Variants in ASTN2 observed in about 807,000 individuals in gnomAD.
ASTN2 encodes astrotactin 2.
ASTN2 carries 54 observed loss-of-function variants against 139.8 expected under a neutral mutation model. That is an observed-to-expected ratio of 0.39 (90% CI 0.31 to 0.48). ASTN2 has a LOEUF of 0.48. Among genes scored for constraint, ASTN2 ranks in the 20% least tolerant of loss-of-function variants. The probability of loss-of-function intolerance (pLI) is 0.95; values close to 1 mark genes in which losing one functional copy is unlikely to be tolerated. For synonymous variants in ASTN2, 756 were observed against 719.5 expected (o/e 1.05, Z -0.81); for missense variants, 1,565 against 1,725.1 (o/e 0.91, Z 1.64).
chr9:116,711,117 G>T (rs1255395381), intron 16 of ASTN2, among the ~76,000 whole-genome samples: 2 of 152,192 alleles, frequency 1.3e-5, no homozygotes, highest in Non-Finnish European at 2.9e-5. Flanking sequence ...TGCATAGAAG[G>T]CTAATTAGCT....
intron 19 of ASTN2, among the ~76,000 whole-genome samples, chr9:116,523,900 AG>A (rs1850982145): frequency 6.6e-6 from 1 of 152,208 alleles, no homozygotes; most frequent in Admixed American, 6.5e-5. Context: ...AAAGGAACAG[AG>A]CTGAGTTCCA....
intron 13 of ASTN2, among the ~76,000 whole-genome samples, chr9:116,793,600 T>A (rs1830612003): frequency 6.6e-6 from 1 of 152,238 alleles, no homozygotes. Flanking sequence ...TTGTTTAAAA[T>A]TCTGGTGAAT....
chr9:117,016,402 T>C (rs1006461050), intron 6 of ASTN2, among the ~76,000 whole-genome samples: 1 of 151,630 alleles, frequency 6.6e-6, no homozygotes, highest in African/African-American at 2.4e-5. Context: ...GCCAGTATCT[T>C]CCACTGACAA....
intron 19 of ASTN2, among the ~76,000 whole-genome samples, chr9:116,531,912 C>T (rs1283495503): frequency 2.6e-5 from 4 of 152,126 alleles, no homozygotes; most frequent in Non-Finnish European, 4.4e-5. Context: ...AATGGTATTT[C>T]TAGTTCTAGA....
At chr9:116,795,895 G>A (rs969012769) in intron 13 of ASTN2, among the ~76,000 whole-genome samples, 1 of 152,198 alleles carries the variant, frequency 6.6e-6, no homozygotes, top group African/African-American at 2.4e-5. Context: ...AAGATCTTGA[G>A]ATTACTGAAG....
chr9:117,262,396 T>TA (rs879828979), intron 2 of ASTN2, among the ~76,000 whole-genome samples: 3,947 of 98,410 alleles, frequency 0.04, 68 homozygotes, highest in South Asian at 0.069. Context: ...TCTGTTTCTT[T>TA]TTTTATTTAT....
chr9:117,243,560 T>C (rs1348312633), intron 2 of ASTN2, among the ~76,000 whole-genome samples: 1 of 152,230 alleles, frequency 6.6e-6, no homozygotes, highest in East Asian at 1.9e-4. Context: ...AAGTGTTTTA[T>C]TGGAATTCAC....
intron 1 of ASTN2, among the ~76,000 whole-genome samples, chr9:117,351,296 C>G (rs1224917948): frequency 6.6e-6 from 1 of 152,180 alleles, no homozygotes; most frequent in East Asian, 1.9e-4. Context: ...GCATGGCGCT[C>G]AAGGTCTATT....
intron 16 of ASTN2, among the ~76,000 whole-genome samples, chr9:116,692,325 C>T (rs955305596): frequency 3.9e-5 from 6 of 152,264 alleles, no homozygotes; most frequent in Non-Finnish European, 5.9e-5. Context: ...GCCTTGGGTA[C>T]AGTCTGCTGA....
chr9:117,229,259 C>T lies in ASTN2; in HGVS notation c.631-14517G>A, dbSNP rs533527035. Among the ~76,000 whole-genome samples the T allele has an allele frequency of 3.3e-5, 5 of 152,234 alleles. No homozygotes were observed. In the South Asian group the frequency reaches 1.0e-3, roughly 32 times the overall value. ...TGTAACACTGATAACGCTCCCCGCC[C>T]CCAAGCCCTACCATGAGTGCTGAAC... On this transcript the variant is annotated intron_variant, in intron 2 of 22. Transcript: ENST00000313400.
intron 20 of ASTN2, among the ~76,000 whole-genome samples, chr9:116,475,550 C>T (rs1351738640): frequency 1.3e-5 from 2 of 152,250 alleles, no homozygotes; most frequent in Non-Finnish European, 2.9e-5. Flanking sequence ...GTGAACACAT[C>T]TGTGCCCTGT....
chr9:116,627,375 G>C (rs1361789483), intron 17 of ASTN2, among the ~76,000 whole-genome samples: 1 of 152,136 alleles, frequency 6.6e-6, no homozygotes, highest in Non-Finnish European at 1.5e-5. Context: ...AGATCCAGAA[G>C]GGTCCTGAGA....
chr9:116,850,901 A>G (rs1452718552), intron 11 of ASTN2, among the ~76,000 whole-genome samples: 1 of 152,218 alleles, frequency 6.6e-6, no homozygotes, highest in African/African-American at 2.4e-5. Context: ...CATTGTGCAG[A>G]AAGGAAGGAT....
chr9:116,681,649 A>C (rs1033998837), intron 16 of ASTN2, among the ~76,000 whole-genome samples: 1 of 152,136 alleles, frequency 6.6e-6, no homozygotes, highest in Non-Finnish European at 1.5e-5. Flanking sequence ...AGTAACCAAA[A>C]CAGCATGGTA....
intron 10 of ASTN2, among the ~76,000 whole-genome samples, chr9:116,897,968 G>A (rs1833918070): frequency 6.6e-6 from 1 of 152,146 alleles, no homozygotes. Context: ...AAATGTGGAT[G>A]GGGTAGTCAG....
chr9:117,206,578 A>G (rs1355684148), intron 3 of ASTN2, among the ~76,000 whole-genome samples: 2 of 152,164 alleles, frequency 1.3e-5, no homozygotes, highest in East Asian at 3.9e-4. Flanking sequence ...CTCTCCAGCA[A>G]TGGGGCTCCA....
chr9:116,984,369 C>T (rs528608644), intron 7 of ASTN2, among the ~76,000 whole-genome samples: 18 of 152,344 alleles, frequency 1.2e-4, no homozygotes, highest in African/African-American at 4.3e-4. Flanking sequence ...GGGTAGAAGT[C>T]ACATATCCCA....
Position 116,440,764 on chromosome 9 carries a change from G to A in ASTN2, c.3627C>T (p.Tyr1209=). 6.2e-7 allele frequency: 1 copy of A among 1,614,090 alleles called. No individual in the cohort carries two copies. The highest frequency in any genetic ancestry group is 1.1e-5 in the South Asian group (1 of 91,052). ...GCTCCTTTCCACTTGTGTACCCATT[G>A]TACAGATTGTAGATCTTGTCAGCTA... The part of the protein sequence containing the change: ...EEIADKIYNL[Y]NGYTSGKEQQ... Residue 1209 remains tyrosine (Y), a synonymous_variant, in exon 22 of 23, where the codon TAC becomes TAT. Transcript: ENST00000313400.
chr9:117,045,144 G>T (rs1211566216), intron 5 of ASTN2, among the ~76,000 whole-genome samples: 1 of 151,346 alleles, frequency 6.6e-6, no homozygotes, highest in Non-Finnish European at 1.5e-5. Context: ...TGTGACACTA[G>T]CCAACTGATC....
Sources: allele counts gnomAD v4.1 joint callset (sites outside exome capture counted in the v4.1 genomes callset), GRCh38; gene constraint gnomAD v4.1.1; transcripts MANE v1.5; gene names NCBI Gene and HGNC (gene_info 2026-07-23, HGNC 2026-07-21).